ITGB8: variants seen among roughly 807,000 people sequenced by gnomAD.
ITGB8 encodes integrin beta-8.
Under a neutral mutation model 89.5 loss-of-function variants are expected in ITGB8, and 30 were observed. That is an observed-to-expected ratio of 0.34 (90% CI 0.25 to 0.45). The LOEUF is 0.45. ITGB8 is among the 20% of genes least tolerant of loss of function. The probability of loss-of-function intolerance (pLI) is 1.00; values close to 1 mark genes in which losing one functional copy is unlikely to be tolerated. For missense variants in ITGB8, 836 were observed against 933.3 expected, an observed-to-expected ratio of 0.90 and a Z score of 1.36; for synonymous variants, 335 against 320.4, an observed-to-expected ratio of 1.05 and a Z score of -0.49.
chr7:20,368,840 G>A (rs1387809803), intron 3 of ITGB8, among the ~76,000 whole-genome samples: 1 of 151,888 alleles, frequency 6.6e-6, no homozygotes, highest in Non-Finnish European at 1.5e-5. Flanking sequence ...TGTAATCCCA[G>A]TTTTTCTGAT....
chr7:20,354,548 A>G (rs142781455), intron 1 of ITGB8, among the ~76,000 whole-genome samples: 2 of 152,126 alleles, frequency 1.3e-5, no homozygotes, highest in African/African-American at 2.4e-5. Flanking sequence ...TCTGAGAGTA[A>G]ACGAGCAGAT....
Position 20,368,740 on chromosome 7 carries a change from T to G in ITGB8, c.388+1554T>G, listed in dbSNP as rs114553875. Among the ~76,000 whole-genome samples the G allele has an allele frequency of 1.3e-3, 196 of 152,356 alleles. 3 individuals are homozygous for G. Among genetic ancestry groups the G allele is most frequent in the African/African-American group, 4.1e-3 (172 of 41,592 alleles). ...TATTTATTTTTGTTATGCTCCTTCG[T>G]GCACACTGAATATAAGCTGTATTTT... On this transcript the variant is annotated intron_variant, in intron 3 of 13. Coordinates refer to ENST00000222573, the MANE Select transcript of ITGB8 (RefSeq NM_002214.3).
chr7:20,402,520 T>C (rs752960537), intron 10 of ITGB8, among the ~76,000 whole-genome samples: 13 of 152,196 alleles, frequency 8.5e-5, no homozygotes, highest in Non-Finnish European at 1.8e-4. Flanking sequence ...GCTCAGAGGA[T>C]TTTATTTCTG....
At chr7:20,367,281 ATTG>A in intron 3 of ITGB8, 95 bp downstream of exon 3, 1 of 965,042 alleles carries the variant, frequency 1.0e-6, no homozygotes, top group South Asian at 1.4e-5. Flanking sequence ...GGCAGGCAGT[ATTG>A]TTCTTGTAGA....
At chr7:20,394,837 G>T in intron 7 of ITGB8, 59 bp from the exon 8 acceptor site, 1 of 1,097,382 alleles carries the variant, frequency 9.1e-7, no homozygotes, top group Non-Finnish European at 1.4e-6. Context: ...ACTATTTGTT[G>T]GTTGCTAACC....
Position 20,413,115 on chromosome 7 carries a change from A to G in ITGB8, c.*3118A>G, listed in dbSNP as rs755311732. On this transcript the variant is annotated 3_prime_UTR_variant, in exon 14 of 14. Coordinates refer to ENST00000222573, the MANE Select transcript of ITGB8 (RefSeq NM_002214.3). ...CACTGCAGTGCACACGTATTTATAA[A>G]CATTTGTTATATTTTTGGAAACTTG... 1 of 152,126 alleles carries G rather than the reference A, an allele frequency of 6.6e-6. No individual in the cohort carries two copies. The highest frequency in any genetic ancestry group is 1.5e-5 in the Non-Finnish European group (1 of 67,982). 9.4% of individuals were successfully genotyped at this position (152,126 alleles called of 1,614,324 possible). A position where few individuals can be genotyped will look rare whatever the true frequency, so the allele number is the denominator to read the frequency against.
chr7:20,380,621 TAAG>T (rs201292694), intron 4 of ITGB8, 42 bp from the exon 5 acceptor site: 6 of 1,526,512 alleles, frequency 3.9e-6, no homozygotes, highest in East Asian at 2.3e-5. Flanking sequence ...CCAGAATGCT[TAAG>T]AAGAGCAAAA....
chr7:20,406,206 G>A (rs1787537241), intron 12 of ITGB8, 35 bp downstream of exon 12: 1 of 1,248,016 alleles, frequency 8.0e-7, no homozygotes, highest in Non-Finnish European at 1.2e-6. Context: ...GCACAGAAGA[G>A]TGTCTGTAGA....
intron 9 of ITGB8, among the ~76,000 whole-genome samples, chr7:20,401,277 C>T (rs949209474): frequency 2.6e-5 from 4 of 152,078 alleles, no homozygotes; most frequent in African/African-American, 9.7e-5. Flanking sequence ...CCACGCCAGG[C>T]CTCATCTCAG....
Position 20,331,563 on chromosome 7 carries a change from T to C in ITGB8, c.-244T>C. On this transcript the variant is annotated 5_prime_UTR_variant, in exon 1 of 14. Coordinates refer to ENST00000222573, the MANE Select transcript of ITGB8 (RefSeq NM_002214.3). The stretch of plus-strand genomic sequence containing the variant: ...GGCCCTTGGCCGTCGAAGGAGGTGC[T>C]TCTCGCGGAGACCGCGGGACCCGCC... The C allele has an allele frequency of 2.2e-6, 1 of 455,084 alleles. No homozygotes were observed. The highest frequency in any genetic ancestry group is 5.6e-4 in the Middle Eastern group (1 of 1,788). 28.2% of individuals were successfully genotyped at this position (455,084 alleles called of 1,614,324 possible).
chr7:20,332,094 G>A (rs951045589), intron 1 of ITGB8, 161 bp downstream of exon 1: 2 of 1,379,736 alleles, frequency 1.4e-6, no homozygotes, highest in Non-Finnish European at 1.9e-6. Context: ...AGATGGCCTA[G>A]AGGCCAGGTG....
At chr7:20,373,945 G>A (rs375477909) in intron 3 of ITGB8, among the ~76,000 whole-genome samples, 1 of 152,076 alleles carries the variant, frequency 6.6e-6, no homozygotes, top group Non-Finnish European at 1.5e-5. Context: ...TTTATTCTTT[G>A]TATTCAAACC....
intron 3 of ITGB8, 35 bp from the exon 4 acceptor site, chr7:20,379,016 G>A: frequency 2.0e-6 from 3 of 1,508,320 alleles, no homozygotes; most frequent in Non-Finnish European, 1.8e-6. Flanking sequence ...AGTTTAAAAT[G>A]AAGACTACAT....
chr7:20,394,866 T>C (rs1787007082), intron 7 of ITGB8, 30 bp from the exon 8 acceptor site: 1 of 1,453,798 alleles, frequency 6.9e-7, no homozygotes, highest in Non-Finnish European at 9.7e-7. Context: ...ACTATTGTCA[T>C]TGTTTAAATG....
In ITGB8 at chr7:20,413,930, G is replaced by A. The variant is rs568499970; in HGVS notation, c.*3933G>A. ...CATTTTATGCAATGCAGACCACTGA[G>A]ATATAGCTAACATTCTTTCAAATAA... On this transcript the variant is annotated 3_prime_UTR_variant, in exon 14 of 14. Transcript: ENST00000222573. The A allele has an allele frequency of 1.1e-4, 16 of 151,878 alleles. No homozygotes were observed. Among genetic ancestry groups the A allele is most frequent in the African/African-American group, 3.4e-4 (14 of 41,472 alleles). The allele number at this position is 151,878 out of a possible 1,614,324, so 9.4% of individuals were successfully genotyped here.
intron 1 of ITGB8, among the ~76,000 whole-genome samples, chr7:20,359,393 A>G (rs1336017156): frequency 6.6e-6 from 1 of 152,244 alleles, no homozygotes; most frequent in East Asian, 1.9e-4. Context: ...ATAGCTGAAC[A>G]AGCAGCAACT....
chr7:20,370,163 G>A (rs1393021040), intron 3 of ITGB8, among the ~76,000 whole-genome samples: 1 of 151,662 alleles, frequency 6.6e-6, no homozygotes, highest in Non-Finnish European at 1.5e-5. Flanking sequence ...CCAGAGAGCT[G>A]GTTCTCTGTA....
intron 3 of ITGB8, among the ~76,000 whole-genome samples, chr7:20,368,602 T>C (rs921925506): frequency 6.6e-6 from 1 of 152,214 alleles, no homozygotes; most frequent in Non-Finnish European, 1.5e-5. Flanking sequence ...CAGCAGCTTA[T>C]ATATAAAGCT....
intron 1 of ITGB8, among the ~76,000 whole-genome samples, chr7:20,347,958 T>C (rs1189801924): frequency 6.6e-6 from 1 of 152,228 alleles, no homozygotes; most frequent in Non-Finnish European, 1.5e-5. Flanking sequence ...TAAGTGCTAG[T>C]TGCTAAATGT....
Sources: gnomAD v4.1 joint callset for allele counts (sites outside exome capture counted in the v4.1 genomes callset) on GRCh38, gnomAD v4.1.1 for gene constraint, MANE v1.5 for transcripts, NCBI Gene and HGNC (gene_info 2026-07-23, HGNC 2026-07-21) for gene names.